Variants in DHTKD1 observed in about 807,000 individuals in gnomAD.
DHTKD1 encodes the protein 2-oxoadipate dehydrogenase complex component E1.
A neutral mutation model predicts 101.8 loss-of-function variants in DHTKD1; 78 were observed. That is an observed-to-expected ratio of 0.77 (90% CI 0.64 to 0.93). DHTKD1 has a LOEUF of 0.93. Ranked by LOEUF, DHTKD1 falls within the 40% of genes least tolerant of loss-of-function variation. The pLI is 0.00. For missense variants in DHTKD1, 1,223 were observed against 1,161.7 expected (o/e 1.05, Z -0.77); for synonymous variants, 462 against 450.3 (o/e 1.03, Z -0.33).
At chr10:12,104,174 A>C (rs1833212255) in intron 10 of DHTKD1, among the ~76,000 whole-genome samples, 1 of 152,148 alleles carries the variant, frequency 6.6e-6, no homozygotes, top group Admixed American at 6.6e-5. Context: ...TGCAGCATGT[A>C]TCAGTACATC....
intron 3 of DHTKD1, among the ~76,000 whole-genome samples, chr10:12,086,925 G>A (rs912232513): frequency 1.3e-5 from 2 of 152,160 alleles, no homozygotes; most frequent in African/African-American, 4.8e-5. Flanking sequence ...GGCCTCAAGT[G>A]ATCCACCTGC....
At position 12,103,644 on chromosome 10, in the gene DHTKD1, T is replaced by C. The variant is rs1416731627; in HGVS notation, c.1896+2463T>C. On this transcript the variant is annotated intron_variant, in intron 10 of 16. Transcript: ENST00000263035. The surrounding 1 kb of genome is among the most constrained non-coding windows in gnomAD (Gnocchi z 4.8). ...AATTGTCCCGCCTCAGCCTCTCAAG[T>C]AGCTGGGACTACAGGCAAGCACCAC... is the stretch of plus-strand genomic sequence containing the variant. Among the ~76,000 whole-genome samples, 1 of 151,924 alleles carries C rather than the reference T, an allele frequency of 6.6e-6. No homozygotes were observed. The highest frequency in any genetic ancestry group is 6.6e-5 in the Admixed American group (1 of 15,210).
chr10:12,078,471 G>T (rs1017559132), intron 1 of DHTKD1, among the ~76,000 whole-genome samples: 2 of 151,766 alleles, frequency 1.3e-5, no homozygotes, highest in Non-Finnish European at 2.9e-5. Context: ...AATTAGCCGG[G>T]CATGGCGGCA....
chr10:12,068,996 C>G lies in DHTKD1; in HGVS notation c.-38C>G. On this transcript the variant is annotated 5_prime_UTR_variant, in exon 1 of 17. Coordinates refer to ENST00000263035, the MANE Select transcript of DHTKD1 (RefSeq NM_018706.7). Reference sequence around the variant, plus strand: ...CCAGGGCCGGTGGGATCCCCTCGGGCTCCCGCCTTAGCATGCTGGCCGGGA... The same window carrying G: ...CCAGGGCCGGTGGGATCCCCTCGGGGTCCCGCCTTAGCATGCTGGCCGGGA... 6.2e-7 allele frequency: 1 copy of G among 1,609,668 alleles called. No individual in the cohort carries two copies. Among genetic ancestry groups the G allele is most frequent in the Non-Finnish European group, 8.5e-7 (1 of 1,178,038 alleles).
chr10:12,090,431 C>T (rs1465914019), intron 5 of DHTKD1, among the ~76,000 whole-genome samples: 1 of 92,056 alleles, frequency 1.1e-5, no homozygotes, highest in Non-Finnish European at 2.1e-5. Context: ...CTTCCTTTTT[C>T]CTTCCTTCCT....
Position 12,103,039 on chromosome 10 carries a change from A to G in DHTKD1, c.1896+1858A>G, listed in dbSNP as rs1340293035. On this transcript the variant is annotated intron_variant, in intron 10 of 16. Coordinates refer to ENST00000263035, the MANE Select transcript of DHTKD1 (RefSeq NM_018706.7). This position sits in a 1 kb window ranked among gnomAD's most constrained non-coding sequence, Gnocchi z 4.8. ...GGAGTTCAACACTGGCCTGGCCAAC[A>G]TGGCGAAACCCTGTCTCTACTAAAA... 6.6e-6 allele frequency among the ~76,000 whole-genome samples: 1 copy of G among 152,202 alleles called. No homozygotes were observed. Among genetic ancestry groups the G allele is most frequent in the Non-Finnish European group, 1.5e-5 (1 of 68,046 alleles).
rs552098559 is a variant in DHTKD1 at position 12,074,050 on chromosome 10, C to T, written c.154+4863C>T. Among the ~76,000 whole-genome samples the T allele has an allele frequency of 3.3e-5, 5 of 152,308 alleles. No individual in the cohort carries two copies. The South Asian group carries it at 1.0e-3, about 32-fold the overall frequency. On this transcript the variant is annotated intron_variant, in intron 1 of 16. Coordinates refer to ENST00000263035, the MANE Select transcript of DHTKD1 (RefSeq NM_018706.7). ...ACGGACTTAAACATCAAATCTAATT[C>T]CTGTGACCTTTTGCAGATATTATGA...
At chr10:12,080,478 A>C (rs1045059125) in intron 1 of DHTKD1, among the ~76,000 whole-genome samples, 14 of 151,448 alleles carry the variant, frequency 9.2e-5, no homozygotes, top group Non-Finnish European at 7.4e-5. Context: ...TTCAGGAGGC[A>C]TGGCAGGCAG....
At chr10:12,119,502 G>A (rs1460337196) in intron 15 of DHTKD1, among the ~76,000 whole-genome samples, 8 of 150,558 alleles carry the variant, frequency 5.3e-5, no homozygotes, top group South Asian at 4.2e-4. Flanking sequence ...TGTAGTCCCA[G>A]CTACTTGGGA....
chr10:12,113,042 C>G lies in DHTKD1; in HGVS notation c.2297C>G (p.Pro766Arg). 6.2e-7 allele frequency: 1 copy of G among 1,611,648 alleles called. No individual in the cohort carries two copies. Among genetic ancestry groups the G allele is most frequent in the African/African-American group, 1.3e-5 (1 of 74,944 alleles). ...NFRKPLIVAS[P>R]KMLLRLPAAV... ...AGAAAACCACTCATTGTTGCTTCCC[C>G]TAAGATGTTACTCAGGCTCCCGGTA... Residue 766 changes from proline (P) to arginine (R), a missense_variant, in exon 13 of 17, where the codon CCT (proline) becomes CGT (arginine). Pro to Arg is a moderately radical substitution (Grantham distance 103). Transcript: ENST00000263035.
Position 12,099,559 on chromosome 10 carries a change from G to A in DHTKD1, c.1672-619G>A, listed in dbSNP as rs183957912. ...AAAAATTAGCTGGGCGTGGTGGTGT[G>A]CACCCATAGTCCCAGCTACTTAGGA... is the stretch of plus-strand genomic sequence containing the variant. On this transcript the variant is annotated intron_variant, in intron 8 of 16. Coordinates refer to ENST00000263035, the MANE Select transcript of DHTKD1 (RefSeq NM_018706.7). Among the ~76,000 whole-genome samples, 124 of 152,010 alleles carry A rather than the reference G, an allele frequency of 8.2e-4. 1 individual carries two copies. Among genetic ancestry groups the A allele is most frequent in the African/African-American group, 2.9e-3 (119 of 41,470 alleles).
rs57815181 is a variant in DHTKD1, at chr10:12,100,287, GT to G, written c.1756+39del. On this transcript the variant is annotated intron_variant, in intron 9 of 16. Transcript: ENST00000263035. Reference sequence around the variant, plus strand: ...GGTAAGAATTTTCTTTTTTTTTTCTGTTTTTTTTTTTTTTGAGTCTCACCCT... The same window carrying G: ...GGTAAGAATTTTCTTTTTTTTTTCTGTTTTTTTTTTTTTGAGTCTCACCCT... The G allele has an allele frequency of 8.5e-4, 230 of 272,160 alleles. 1 individual carries two copies. The highest frequency in any genetic ancestry group is 5.2e-3 in the African/African-American group (144 of 27,628). The allele number at this position is 272,160 out of a possible 1,614,324, so 16.9% of individuals were successfully genotyped here. A position where few individuals can be genotyped will look rare whatever the true frequency, so the allele number is the denominator to read the frequency against.
In DHTKD1 at chr10:12,100,274, C is replaced by CTTTTTT. The variant is rs375494996; in HGVS notation, c.1756+17_1756+22dup. On this transcript the variant is annotated intron_variant, in intron 9 of 16. Coordinates refer to ENST00000263035, the MANE Select transcript of DHTKD1 (RefSeq NM_018706.7). ...TTTACTTGCTCAAGGTAAGAATTTT[C>CTTTTTT]TTTTTTTTTTCTGTTTTTTTTTTTT... The CTTTTTT allele has an allele frequency of 8.5e-6, 3 of 352,986 alleles. No individual in the cohort carries two copies. Among genetic ancestry groups the CTTTTTT allele is most frequent in the East Asian group, 5.8e-5 (1 of 17,136 alleles). 21.9% of individuals were successfully genotyped at this position (352,986 alleles called of 1,614,324 possible). A position where few individuals can be genotyped will look rare whatever the true frequency, so the allele number is the denominator to read the frequency against.
chr10:12,119,486 G>A (rs1266984872), intron 15 of DHTKD1, among the ~76,000 whole-genome samples: 3 of 150,908 alleles, frequency 2.0e-5, no homozygotes, highest in South Asian at 4.2e-4. Context: ...CGTGGTGGCG[G>A]GCGCCTGTAG....
At chr10:12,085,234 TG>T (rs1253257522) in intron 3 of DHTKD1, among the ~76,000 whole-genome samples, 1 of 151,636 alleles carries the variant, frequency 6.6e-6, no homozygotes, top group Non-Finnish European at 1.5e-5. Context: ...CCTTGGAACC[TG>T]GGAGGTGGAG....
chr10:12,092,192 A>C (rs1833001212), intron 6 of DHTKD1, among the ~76,000 whole-genome samples: 1 of 151,968 alleles, frequency 6.6e-6, no homozygotes, highest in Non-Finnish European at 1.5e-5. Context: ...CCATGTTGGC[A>C]GGCTGGTCTT....
chr10:12,078,872 C>T (rs1448069033), intron 1 of DHTKD1, among the ~76,000 whole-genome samples: 3 of 152,016 alleles, frequency 2.0e-5, no homozygotes, highest in African/African-American at 7.2e-5. Context: ...ACCATGTTGG[C>T]CAGACTGGTC....
At chr10:12,118,261 G>A (rs919808163) in intron 14 of DHTKD1, among the ~76,000 whole-genome samples, 6 of 151,982 alleles carry the variant, frequency 3.9e-5, no homozygotes, top group Admixed American at 3.3e-4. Flanking sequence ...CTTTGTAGGC[G>A]CATGTTGCTG....
At chr10:12,085,741 G>C (rs201315374) in intron 3 of DHTKD1, among the ~76,000 whole-genome samples, 1 of 151,938 alleles carries the variant, frequency 6.6e-6, no homozygotes, top group East Asian at 1.9e-4. Context: ...CAAAAAATTA[G>C]CCTGATGTGG....
Sources: allele counts gnomAD v4.1 joint callset (sites outside exome capture counted in the v4.1 genomes callset), GRCh38; gene constraint gnomAD v4.1.1; non-coding constraint Gnocchi (gnomAD v3.1); transcripts MANE v1.5; gene names NCBI Gene and HGNC (gene_info 2026-07-23, HGNC 2026-07-21).